PRPSAP2: variants seen among roughly 807,000 people sequenced by gnomAD.
PRPSAP2 encodes the protein phosphoribosyl pyrophosphate synthetase associated protein 2.
In PRPSAP2, 24 loss-of-function variants were observed where a neutral mutation model predicts 40.6. The observed-to-expected ratio is 0.59, with a 90% CI of 0.43 to 0.83. The LOEUF (loss-of-function observed/expected upper bound fraction) is 0.83. Ranked by LOEUF, PRPSAP2 falls within the 40% of genes least tolerant of loss-of-function variation. The pLI is 0.00. For synonymous variants in PRPSAP2, 149 were observed against 164.7 expected (o/e 0.90, Z 0.73); for missense variants, 292 against 465.6 (o/e 0.63, Z 3.43).
At chr17:18,881,613 T>C (rs1174183418) in intron 6 of PRPSAP2, among the ~76,000 whole-genome samples, 1 of 151,620 alleles carries the variant, frequency 6.6e-6, no homozygotes, top group South Asian at 2.1e-4. Flanking sequence ...CTCAGCTCAC[T>C]TGCAGCCTTG....
intron 4 of PRPSAP2, among the ~76,000 whole-genome samples, chr17:18,869,078 T>C (rs188606031): frequency 6.6e-6 from 1 of 152,146 alleles, no homozygotes; most frequent in Non-Finnish European, 1.5e-5. Context: ...ATGTTCTTTG[T>C]CTGGAGTCTA....
At chr17:18,902,643 G>A (rs1367692269) in intron 8 of PRPSAP2, among the ~76,000 whole-genome samples, 1 of 152,020 alleles carries the variant, frequency 6.6e-6, no homozygotes, top group Admixed American at 6.6e-5. Context: ...GCCGAGGGGG[G>A]TGGATCACTT....
chr17:18,889,749 A>C, intron 7 of PRPSAP2, 73 bp from the exon 8 acceptor site: 1 of 1,249,984 alleles, frequency 8.0e-7, no homozygotes, highest in Non-Finnish European at 1.1e-6. Context: ...TCAACTAGCC[A>C]AGCATTTTTG....
chr17:18,910,140 C>G (rs2040868640), intron 8 of PRPSAP2, among the ~76,000 whole-genome samples: 1 of 151,976 alleles, frequency 6.6e-6, no homozygotes, highest in Admixed American at 6.6e-5. Context: ...ACAAAATGGC[C>G]AGGCGCAAGT....
chr17:18,891,692 G>A (rs1039697111), intron 8 of PRPSAP2, among the ~76,000 whole-genome samples: 4 of 152,048 alleles, frequency 2.6e-5, no homozygotes, highest in Non-Finnish European at 5.9e-5. Flanking sequence ...GAACATTTTC[G>A]TCTTCCCAGA....
At chr17:18,897,833 C>A (rs551231825) in intron 8 of PRPSAP2, among the ~76,000 whole-genome samples, 41 of 151,990 alleles carry the variant, frequency 2.7e-4, no homozygotes, top group African/African-American at 9.7e-4. Context: ...ATTACATATA[C>A]AAAACATATT....
At chr17:18,927,238 A>G (rs1223967938) in intron 10 of PRPSAP2, among the ~76,000 whole-genome samples, 2 of 152,140 alleles carry the variant, frequency 1.3e-5, no homozygotes, top group East Asian at 3.9e-4. Context: ...CAACCTAAAC[A>G]CTTTCCCAAA....
rs186015350 is a variant in PRPSAP2, at chr17:18,916,268, A to G, written c.733+5017A>G. On this transcript the variant is annotated intron_variant, in intron 9 of 11. Coordinates refer to ENST00000268835, the MANE Select transcript of PRPSAP2 (RefSeq NM_002767.4). ...GCCTCTGCCCATTACCCAGTTCCAA[A>G]GCCACTCCTGCATTGGTGGGTATTT... Among the ~76,000 whole-genome samples the G allele has an allele frequency of 3.6e-4, 55 of 152,150 alleles. No individual in the cohort carries two copies. In the East Asian group the frequency reaches 9.3e-3, roughly 26 times the overall value.
At chr17:18,870,227 G>A (rs1567674404) in intron 4 of PRPSAP2, among the ~76,000 whole-genome samples, 1 of 152,000 alleles carries the variant, frequency 6.6e-6, no homozygotes, top group Admixed American at 6.6e-5. Flanking sequence ...ATATGTATGT[G>A]GCGAACCATT....
intron 8 of PRPSAP2, among the ~76,000 whole-genome samples, chr17:18,900,726 C>T (rs1275967241): frequency 6.6e-6 from 1 of 152,116 alleles, no homozygotes; most frequent in African/African-American, 2.4e-5. Flanking sequence ...TGTGGACCAC[C>T]TAAGGTGGTC....
intron 8 of PRPSAP2, among the ~76,000 whole-genome samples, chr17:18,905,483 C>T (rs1012740992): frequency 6.6e-6 from 1 of 152,120 alleles, no homozygotes; most frequent in Admixed American, 6.6e-5. Flanking sequence ...GTTTGCAAAG[C>T]CAATCTTGAA....
At chr17:18,927,247 A>G (rs533502443) in intron 10 of PRPSAP2, among the ~76,000 whole-genome samples, 6 of 152,282 alleles carry the variant, frequency 3.9e-5, no homozygotes, top group South Asian at 4.2e-4. Flanking sequence ...CACTTTCCCA[A>G]AGACCCCACC....
intron 9 of PRPSAP2, among the ~76,000 whole-genome samples, chr17:18,913,169 G>A (rs2041067521): frequency 2.0e-5 from 3 of 152,202 alleles, no homozygotes; most frequent in Admixed American, 2.0e-4. Context: ...GGGTCTCTCT[G>A]GTGGCCCTGC....
In PRPSAP2 at chr17:18,930,460, A is replaced by C. The variant is rs1370917730; in HGVS notation, c.952-80A>C. On this transcript the variant is annotated intron_variant, in intron 11 of 11. Coordinates refer to ENST00000268835, the MANE Select transcript of PRPSAP2 (RefSeq NM_002767.4). Reference sequence around the variant, plus strand: ...CCTGTCGTGGCAAGCCTCAGATTTGAGAAGCTGTCACATTTCCAGATCAAA... The same window carrying C: ...CCTGTCGTGGCAAGCCTCAGATTTGCGAAGCTGTCACATTTCCAGATCAAA... 5 of 1,404,972 alleles carry C rather than the reference A, an allele frequency of 3.6e-6. No homozygotes were observed. The East Asian group carries it at 1.2e-4, about 32-fold the overall frequency. The allele number at this position is 1,404,972 out of a possible 1,614,324, so 87.0% of individuals were successfully genotyped here.
At chr17:18,872,066 C>G (rs200050579) in intron 4 of PRPSAP2, among the ~76,000 whole-genome samples, 14 of 152,042 alleles carry the variant, frequency 9.2e-5, no homozygotes, top group Non-Finnish European at 4.4e-5. Flanking sequence ...GTCAGGAGAT[C>G]GAGACCATCC....
chr17:18,892,289 C>T (rs1308671856), intron 8 of PRPSAP2, among the ~76,000 whole-genome samples: 1 of 151,778 alleles, frequency 6.6e-6, no homozygotes, highest in African/African-American at 2.4e-5. Context: ...TATGGTCAGT[C>T]ATGGATTAGT....
chr17:18,917,805 G>A (rs1296147304), intron 9 of PRPSAP2, among the ~76,000 whole-genome samples: 1 of 151,104 alleles, frequency 6.6e-6, no homozygotes, highest in African/African-American at 2.4e-5. Flanking sequence ...ATGGGAGAGA[G>A]GCTAGTTTTT....
intron 1 of PRPSAP2, among the ~76,000 whole-genome samples, chr17:18,860,101 C>G (rs1483475575): frequency 2.0e-5 from 3 of 151,262 alleles, no homozygotes; most frequent in Non-Finnish European, 2.9e-5. Context: ...GCTCTGTTGC[C>G]CAGGTTGGAG....
At chr17:18,864,643 A>G (rs2037299296) in intron 1 of PRPSAP2, among the ~76,000 whole-genome samples, 1 of 152,096 alleles carries the variant, frequency 6.6e-6, no homozygotes, top group South Asian at 2.1e-4. Context: ...TGTATAATTA[A>G]AATTTGAGAA....
Sources: allele counts gnomAD v4.1 joint callset (sites outside exome capture counted in the v4.1 genomes callset), GRCh38; gene constraint gnomAD v4.1.1; transcripts MANE v1.5; gene names NCBI Gene and HGNC (gene_info 2026-07-23, HGNC 2026-07-21).